Variants in TMEM185A observed in about 807,000 individuals in gnomAD.
TMEM185A encodes family with sequence similarity 11, member A.
In TMEM185A, 9 loss-of-function variants were observed where a neutral mutation model predicts 25.0. That is an observed-to-expected ratio of 0.36 (90% CI 0.22 to 0.63). TMEM185A has a LOEUF of 0.63. Ranked by LOEUF, TMEM185A falls within the 20% of genes least tolerant of loss-of-function variation. The pLI is 0.68. For missense variants in TMEM185A, 103 were observed against 237.4 expected, an observed-to-expected ratio of 0.43 and a Z score of 3.72; for synonymous variants, 45 against 93.5, an observed-to-expected ratio of 0.48 and a Z score of 2.99.
At chrX:149,606,481 C>A (rs781851510) in intron 3 of TMEM185A, among the ~76,000 whole-genome samples, 5 of 112,715 alleles carry the variant, frequency 4.4e-5, no homozygotes, top group Non-Finnish European at 7.5e-5. Context: ...GAGGACGTGG[C>A]CCCTATTTGC....
intron 4 of TMEM185A, chrX:149,601,380 T>A (rs2090017031): frequency 1.0e-5 from 1 of 97,693 alleles, no homozygotes; most frequent in African/African-American, 4.8e-5. Context: ...GCAGAAGAGG[T>A]CTGTCACCCT....
chrX:149,611,423 G>A lies in TMEM185A; in HGVS notation c.79C>T (p.Leu27=). 2 of 1,207,995 alleles carry A rather than the reference G, an allele frequency of 1.7e-6. No individual in the cohort carries two copies. The highest frequency in any genetic ancestry group is 2.2e-6 in the Non-Finnish European group (2 of 894,306). ...ATGCCATCCAAACGAAGGGCCAGCA[G>A]CACAGAGAACAGCAGCAGACAGGCA... ...IYACLLLFSV[L]LALRLDGIIQ... The change falls in exon 2 of 7, where the codon CTG becomes TTG. Residue 27 remains leucine, a synonymous_variant. Transcript: ENST00000600449.
chrX:149,627,171 G>A (rs990645570), intron 1 of TMEM185A, among the ~76,000 whole-genome samples: 15 of 112,453 alleles, frequency 1.3e-4, no homozygotes, highest in Non-Finnish European at 2.4e-4. Context: ...GGAAACCTTG[G>A]ACAATACCCA....
rs1372687899 is a variant in TMEM185A at position 149,607,681 on chromosome X, G to A, written c.423+946C>T. Among the ~76,000 whole-genome samples the A allele has an allele frequency of 2.7e-5, 3 of 112,383 alleles. No homozygotes were observed. In the East Asian group the frequency reaches 8.3e-4, roughly 31 times the overall value. On this transcript the variant is annotated intron_variant, in intron 3 of 6. Coordinates refer to ENST00000600449, the MANE Select transcript of TMEM185A (RefSeq NM_032508.4). ...GGCATCTAGTAAATACTTGATAAAT[G>A]TTTATTGAATGAATAAACAAACACA...
chrX:149,615,299 TAAAC>T (rs1289357763), intron 1 of TMEM185A, among the ~76,000 whole-genome samples: 32 of 111,918 alleles, frequency 2.9e-4, no homozygotes, highest in African/African-American at 1.0e-3. Context: ...TTAAAAGCGT[TAAAC>T]AAATTAGGAA....
At chrX:149,610,153 G>A (rs1467933594) in intron 2 of TMEM185A, among the ~76,000 whole-genome samples, 7 of 110,632 alleles carry the variant, frequency 6.3e-5, no homozygotes, top group South Asian at 3.9e-4. Flanking sequence ...TGTAGTGGCC[G>A]GACGTGGTGG....
chrX:149,617,203 G>T (rs1471079650), intron 1 of TMEM185A, among the ~76,000 whole-genome samples: 1 of 111,117 alleles, frequency 9.0e-6, no homozygotes, highest in Non-Finnish European at 1.9e-5. Flanking sequence ...TGCAACCTAC[G>T]GTTAGGCAAA....
In TMEM185A at chrX:149,603,233, G is replaced by C. The variant is rs1226906332; in HGVS notation, c.507+754C>G. On this transcript the variant is annotated intron_variant, in intron 4 of 6. Coordinates refer to ENST00000600449, the MANE Select transcript of TMEM185A (RefSeq NM_032508.4). ...TTCAACCAAATGCCCAGTAACTGAA[G>C]TCACAGTTTAGAAGCATGACATAGA... Among the ~76,000 whole-genome samples the C allele has an allele frequency of 3.6e-5, 4 of 111,118 alleles. No individual in the cohort carries two copies. In the Admixed American group the frequency reaches 3.8e-4, roughly 11 times the overall value.
chrX:149,631,494 C>A, intron 1 of TMEM185A, 49 bp downstream of exon 1: 2 of 1,138,323 alleles, frequency 1.8e-6, no homozygotes, highest in South Asian at 2.0e-5. Context: ...CCAGCCCGCG[C>A]CCGAGCCCGC....
At chrX:149,608,354 G>A (rs1288919389) in intron 3 of TMEM185A, 6 of 192,597 alleles carry the variant, frequency 3.1e-5, no homozygotes, top group South Asian at 4.6e-4. Flanking sequence ...TTTTTAAGAC[G>A]GAGTTTCATT....
chrX:149,597,840 TC>T lies in TMEM185A; in HGVS notation c.*170del. 5.1e-6 allele frequency: 2 copies of T among 395,828 alleles called. No homozygotes were observed. Among genetic ancestry groups the T allele is most frequent in the Non-Finnish European group, 8.8e-6 (2 of 226,854 alleles). The allele number at this position is 395,828 out of a possible 1,213,427, so 32.6% of individuals were successfully genotyped here. A position where few individuals can be genotyped will look rare whatever the true frequency, so the allele number is the denominator to read the frequency against. On this transcript the variant is annotated 3_prime_UTR_variant, in exon 7 of 7. Transcript: ENST00000600449. Reference sequence around the variant, plus strand: ...ACCCCCGTCACCTGCCACTTCCGCGTCCCGTCGTGGTGAGTGGCTGATAGGC... The same window carrying T: ...ACCCCCGTCACCTGCCACTTCCGCGTCCGTCGTGGTGAGTGGCTGATAGGC...
intron 1 of TMEM185A, among the ~76,000 whole-genome samples, 173 bp from the exon 2 acceptor site, chrX:149,611,636 TAAAG>T (rs2090084371): frequency 8.9e-6 from 1 of 111,948 alleles, no homozygotes; most frequent in South Asian, 3.7e-4. Context: ...AAAAGAAACA[TAAAG>T]AAGACTAAAA....
At chrX:149,627,169 T>C (rs1483410587) in intron 1 of TMEM185A, among the ~76,000 whole-genome samples, 1 of 112,452 alleles carries the variant, frequency 8.9e-6, no homozygotes, top group African/African-American at 3.2e-5. Context: ...GGGGAAACCT[T>C]GGACAATACC....
rs782758243 is a variant in TMEM185A at position 149,613,968 on chromosome X, A to G, written c.39-2505T>C. ...TCAATCTAAAAGGAGAAATAAAAAA[A>G]TCAAACTGTTATAAATGGAAATTAA... On this transcript the variant is annotated intron_variant, in intron 1 of 6. Transcript: ENST00000600449. 2.7e-5 allele frequency among the ~76,000 whole-genome samples: 3 copies of G among 112,816 alleles called. No individual in the cohort carries two copies. In the South Asian group the frequency reaches 1.1e-3, roughly 41 times the overall value.
chrX:149,619,870 T>C (rs1334557197), intron 1 of TMEM185A, among the ~76,000 whole-genome samples: 3 of 112,129 alleles, frequency 2.7e-5, no homozygotes, highest in Non-Finnish European at 5.6e-5. Context: ...CCATGGTGTA[T>C]ATGTGCCACA....
chrX:149,608,748 A>G lies in TMEM185A; in HGVS notation c.302T>C (p.Val101Ala). The stretch of plus-strand genomic sequence containing the variant: ...GCTTCCTCTCTCGATTCTGTCACAG[A>G]CCAGAACTTCAAACATCAACAAGAG... ...HLLLLMFEVL[V>A]CDRIERGSHF... The change falls in exon 3 of 7, where the codon GTC becomes GCC. Residue 101 changes from valine (V) to alanine (A), a missense_variant. Val to Ala is a moderately conservative substitution (Grantham distance 64). Around this residue, in one of 2 missense-constraint regions of TMEM185A, gnomAD observed 102 missense variants for 125.7 expected, o/e 0.81. Coordinates refer to ENST00000600449, the MANE Select transcript of TMEM185A (RefSeq NM_032508.4). 8.3e-7 allele frequency: 1 copy of G among 1,211,722 alleles called. No individual in the cohort carries two copies. The highest frequency in any genetic ancestry group is 3.0e-5 in the East Asian group (1 of 33,851).
chrX:149,605,529 G>GGCCTCCCATGTCACTTTCTATA (rs1557353265), intron 3 of TMEM185A, among the ~76,000 whole-genome samples: 1,034 of 85,373 alleles, frequency 0.012, 14 homozygotes, highest in Non-Finnish European at 0.018. Flanking sequence ...CACTTTCTAT[G>GGCCTCCCATGTCACTTTCTATA]GCCTCCCATG....
intron 1 of TMEM185A, among the ~76,000 whole-genome samples, chrX:149,613,327 A>C (rs1187893577): frequency 8.9e-6 from 1 of 112,288 alleles, no homozygotes; most frequent in Non-Finnish European, 1.9e-5. Context: ...ATGAGGCAGA[A>C]GTCAGAGAGA....
At chrX:149,629,569 G>C (rs1320432678) in intron 1 of TMEM185A, among the ~76,000 whole-genome samples, 2 of 112,188 alleles carry the variant, frequency 1.8e-5, no homozygotes, top group Non-Finnish European at 3.8e-5. Context: ...CAATGAATCA[G>C]GAAAATGGCA....
Sources: allele counts gnomAD v4.1 joint callset (sites outside exome capture counted in the v4.1 genomes callset), GRCh38; gene constraint gnomAD v4.1.1; regional missense constraint gnomAD v4.1.1; transcripts MANE v1.5; gene names NCBI Gene and HGNC (gene_info 2026-07-23, HGNC 2026-07-21).